Variants in ZBTB47 observed in about 807,000 individuals in gnomAD.
ZBTB47 encodes zinc finger and BTB domain-containing protein 47.
A neutral mutation model predicts 56.6 loss-of-function variants in ZBTB47; 24 were observed. The observed-to-expected ratio is 0.42, with a 90% CI of 0.31 to 0.60. ZBTB47 has a LOEUF of 0.60. Among genes scored for constraint, ZBTB47 ranks in the 20% least tolerant of loss-of-function variants. The pLI, the probability that ZBTB47 is intolerant of heterozygous loss-of-function variation, is 0.14. For missense variants in ZBTB47, 829 were observed against 1,032.6 expected (o/e 0.80, Z 2.70); for synonymous variants, 414 against 418.9 (o/e 0.99, Z 0.14).
rs1352980694 is a variant in ZBTB47 at position 42,665,964 on chromosome 3, C to T, written c.*1366C>T. The T allele has an allele frequency of 6.6e-6, 1 of 152,644 alleles. No homozygotes were observed. The highest frequency in any genetic ancestry group is 1.5e-5 in the Non-Finnish European group (1 of 68,060). 9.5% of individuals were successfully genotyped at this position (152,644 alleles called of 1,614,324 possible). ...TTTATACAGTTTTGTTTGTTATACT[C>T]TTTGCACCTTAAACCCCCACCACTC... On this transcript the variant is annotated 3_prime_UTR_variant, in exon 6 of 6. Coordinates refer to ENST00000232974, the MANE Select transcript of ZBTB47 (RefSeq NM_145166.4).
chr3:42,660,283 G>C (rs1375707944), intron 2 of ZBTB47, among the ~76,000 whole-genome samples: 1 of 152,242 alleles, frequency 6.6e-6, no homozygotes, highest in African/African-American at 2.4e-5. Context: ...CAGCAAGTGA[G>C]CACACGATGG....
chr3:42,663,917 G>A lies in ZBTB47; in HGVS notation c.1858G>A (p.Asp620Asn). The A allele has an allele frequency of 1.2e-6, 2 of 1,613,104 alleles. No homozygotes were observed. Among genetic ancestry groups the A allele is most frequent in the Non-Finnish European group, 1.7e-6 (2 of 1,179,566 alleles). Residue 620 changes from aspartate (D) to asparagine (N), a missense_variant, in exon 5 of 6, where the codon GAT becomes AAT. By Grantham distance (23) the Asp-to-Asn change is conservative. Around this residue, in one of 6 missense-constraint regions of ZBTB47, gnomAD observed 44 missense variants for 76.7 expected, o/e 0.57. Transcript: ENST00000232974. The surrounding 1 kb of genome is among the most constrained non-coding windows in gnomAD (Gnocchi z 5.1). ...GKDFNMKQYFDEHMKTHTGEK... is the reference protein window; with the variant it reads ...GKDFNMKQYFNEHMKTHTGEK... ...GGACTTCAACATGAAGCAGTACTTC[G>A]ATGAGCACATGAAGACCCACACAGG...
chr3:42,657,861 C>G (rs548178735), intron 1 of ZBTB47, among the ~76,000 whole-genome samples: 74 of 152,272 alleles, frequency 4.9e-4, no homozygotes, highest in African/African-American at 1.6e-3. Context: ...ACCACCTGGT[C>G]CCGGTGTGCC....
chr3:42,662,256 G>A (rs919499758), intron 3 of ZBTB47, among the ~76,000 whole-genome samples: 9 of 152,224 alleles, frequency 5.9e-5, no homozygotes, highest in African/African-American at 2.2e-4. Context: ...CCTTGAGGGG[G>A]AGGGGTAGCC....
At position 42,658,649 on chromosome 3, in the gene ZBTB47, GGCTGACATCGCTGCGT is replaced by G. The variant is rs1710668417; in HGVS notation, c.295_310del (p.Ala99ProfsTer11). 6.5e-7 allele frequency: 1 copy of G among 1,536,638 alleles called. No individual in the cohort carries two copies. The highest frequency in any genetic ancestry group is 1.4e-5 in the African/African-American group (1 of 73,052). Reference sequence around the variant, plus strand: ...TCAGCGCCGCCTCATTGCTGCAGATGGCTGACATCGCTGCGTCCTGCCAAGAGCTGCTGGACGCCCG... The same window carrying G: ...TCAGCGCCGCCTCATTGCTGCAGATGCCTGCCAAGAGCTGCTGGACGCCCG... On this transcript the variant is annotated frameshift_variant, in exon 2 of 6. Transcript: ENST00000232974. LOFTEE classifies it high-confidence loss of function.
Position 42,666,782 on chromosome 3 carries a change from C to T in ZBTB47, c.*2184C>T, listed in dbSNP as rs1710794047. ...AAACCCTGTCCTGGGACATGGGTTT[C>T]ATGTTCTTGTACACTTCCCCTCTGG... On this transcript the variant is annotated 3_prime_UTR_variant, in exon 6 of 6. Coordinates refer to ENST00000232974, the MANE Select transcript of ZBTB47 (RefSeq NM_145166.4). Among the ~76,000 whole-genome samples, 1 of 152,174 alleles carries T rather than the reference C, an allele frequency of 6.6e-6. No individual in the cohort carries two copies. The highest frequency in any genetic ancestry group is 1.5e-5 in the Non-Finnish European group (1 of 68,034).
Position 42,658,888 on chromosome 3 carries a change from T to A in ZBTB47, c.533T>A (p.Val178Glu). 1 of 1,512,938 alleles carries A rather than the reference T, an allele frequency of 6.6e-7. No homozygotes were observed. Among genetic ancestry groups the A allele is most frequent in the Non-Finnish European group, 8.8e-7 (1 of 1,134,584 alleles). The allele number at this position is 1,512,938 out of a possible 1,614,324, so 93.7% of individuals were successfully genotyped here. A position where few individuals can be genotyped will look rare whatever the true frequency, so the allele number is the denominator to read the frequency against. The change falls in exon 2 of 6, where the codon GTG becomes GAG. Residue 178 changes from valine (V) to glutamate (E), a missense_variant. By Grantham distance (121) the Val-to-Glu change is moderately radical. Transcript: ENST00000232974. ...GGGGCAGGGACTGCTGGTGGCACAG[T>A]GCCTGCCACCATTGGGCCAGCCCAG... Reference protein sequence around the residue: ...EDGAGTAGGTVPATIGPAQPF... With the variant: ...EDGAGTAGGTEPATIGPAQPF...
chr3:42,652,942 C>T (rs1469836354), upstream of ZBTB47, among the ~76,000 whole-genome samples: 1 of 152,236 alleles, frequency 6.6e-6, no homozygotes, highest in Non-Finnish European at 1.5e-5. Context: ...GAAGGCAGCC[C>T]TCAGCGGGCT....
upstream of ZBTB47, among the ~76,000 whole-genome samples, chr3:42,653,097 G>A (rs1427664054): frequency 3.3e-5 from 5 of 152,202 alleles, no homozygotes; most frequent in East Asian, 9.6e-4. Context: ...TTTGGCCCCT[G>A]AGACATTTTC....
chr3:42,665,064 A>C lies in ZBTB47; in HGVS notation c.*466A>C. On this transcript the variant is annotated 3_prime_UTR_variant, in exon 6 of 6. Transcript: ENST00000232974. ...CTCTATGCCCCTAATTTGCTTCCTC[A>C]TCTTGGAGGGTTTGGGGAGAAGTTG... 6.5e-6 allele frequency: 1 copy of C among 153,196 alleles called. No individual in the cohort carries two copies. Among genetic ancestry groups the C allele is most frequent in the Non-Finnish European group, 1.5e-5 (1 of 68,890 alleles). 9.5% of individuals were successfully genotyped at this position (153,196 alleles called of 1,614,324 possible). A position where few individuals can be genotyped will look rare whatever the true frequency, so the allele number is the denominator to read the frequency against.
chr3:42,656,896 C>A lies in ZBTB47; in HGVS notation c.-81-1379C>A, dbSNP rs559273918. On this transcript the variant is annotated intron_variant, in intron 1 of 5. Coordinates refer to ENST00000232974, the MANE Select transcript of ZBTB47 (RefSeq NM_145166.4). The surrounding 1 kb of genome is among the most constrained non-coding windows in gnomAD (Gnocchi z 5.8). ...ATGGGGCCAGGATTCATCCCAGGGT[C>A]CCCAGGGAGGCACTGACAGCTATGG... Among the ~76,000 whole-genome samples, 6 of 152,222 alleles carry A rather than the reference C, an allele frequency of 3.9e-5. No homozygotes were observed. In the East Asian group the frequency reaches 1.2e-3, roughly 29 times the overall value.
Position 42,654,802 on chromosome 3 carries a change from C to G in ZBTB47, c.-82+919C>G. ...GGTGGAGGGGCTGGAGGGATCTTCC[C>G]CCCTCCCCCGGTCTCCCGGCTCCAT... On this transcript the variant is annotated intron_variant, in intron 1 of 5. Transcript: ENST00000232974. This position sits in a 1 kb window ranked among gnomAD's most constrained non-coding sequence, Gnocchi z 5.0. The G allele has an allele frequency of 1.5e-6, 1 of 683,180 alleles. No homozygotes were observed. Among genetic ancestry groups the G allele is most frequent in the South Asian group, 6.5e-5 (1 of 15,478 alleles). The allele number at this position is 683,180 out of a possible 1,614,324, so 42.3% of individuals were successfully genotyped here.
upstream of ZBTB47, among the ~76,000 whole-genome samples, chr3:42,653,445 A>C (rs1414509080): frequency 6.6e-6 from 1 of 152,170 alleles, no homozygotes; most frequent in African/African-American, 2.4e-5. Context: ...CAGGATGGGC[A>C]GTAGTGAGCT....
At position 42,664,747 on chromosome 3, in the gene ZBTB47, G is replaced by A. The variant is rs1710765289; in HGVS notation, c.*149G>A. ...CTGGATGTACCCTGCCTGAGGCCCC[G>A]ACGAGGAGGGGTATGCAGGCTGGCA... On this transcript the variant is annotated 3_prime_UTR_variant, in exon 6 of 6. Coordinates refer to ENST00000232974, the MANE Select transcript of ZBTB47 (RefSeq NM_145166.4). 7 of 940,476 alleles carry A rather than the reference G, an allele frequency of 7.4e-6. No homozygotes were observed. The highest frequency in any genetic ancestry group is 8.5e-6 in the Non-Finnish European group (6 of 708,396). The allele number at this position is 940,476 out of a possible 1,614,324, so 58.3% of individuals were successfully genotyped here.
At position 42,666,331 on chromosome 3, in the gene ZBTB47, C is replaced by T. The variant is rs1373258705; in HGVS notation, c.*1733C>T. ...GCTGTCCTGGGGGAGAGAAGGTTCG[C>T]CCCTCCCCGAGGAAGAAGGCTTCTG... On this transcript the variant is annotated 3_prime_UTR_variant, in exon 6 of 6. Transcript: ENST00000232974. 2.0e-5 allele frequency among the ~76,000 whole-genome samples: 3 copies of T among 152,150 alleles called. No homozygotes were observed. Among genetic ancestry groups the T allele is most frequent in the African/African-American group, 4.8e-5 (2 of 41,436 alleles).
chr3:42,658,306 C>A lies in ZBTB47; in HGVS notation c.-50C>A, dbSNP rs1476339854. On this transcript the variant is annotated 5_prime_UTR_variant, in exon 2 of 6. Coordinates refer to ENST00000232974, the MANE Select transcript of ZBTB47 (RefSeq NM_145166.4). Reference sequence around the variant, plus strand: ...GTTGAGAAGACAACTGACTCCCCGGCGGCTGAGTTCTCGCTGGTGGAGGAC... The same window carrying A: ...GTTGAGAAGACAACTGACTCCCCGGAGGCTGAGTTCTCGCTGGTGGAGGAC... The A allele has an allele frequency of 1.1e-5, 17 of 1,487,404 alleles. No homozygotes were observed. The highest frequency in any genetic ancestry group is 1.4e-5 in the African/African-American group (1 of 71,924). The allele number at this position is 1,487,404 out of a possible 1,614,324, so 92.1% of individuals were successfully genotyped here.
At position 42,667,113 on chromosome 3, in the gene ZBTB47, A is replaced by T. The variant is rs1191372705; in HGVS notation, c.*2515A>T. Among the ~76,000 whole-genome samples, 2 of 152,364 alleles carry T rather than the reference A, an allele frequency of 1.3e-5. No homozygotes were observed. The highest frequency in any genetic ancestry group is 3.4e-3 in the Middle Eastern group (1 of 294). On this transcript the variant is annotated 3_prime_UTR_variant, in exon 6 of 6. Transcript: ENST00000232974. Reference sequence around the variant, plus strand: ...TAAAACAAAACAACACAAAAAAACAATGTGCCCCCAGATGTCAGAATGAGG... The same window carrying T: ...TAAAACAAAACAACACAAAAAAACATTGTGCCCCCAGATGTCAGAATGAGG...
chr3:42,652,954 G>C (rs1415805946), upstream of ZBTB47, among the ~76,000 whole-genome samples: 1 of 152,234 alleles, frequency 6.6e-6, no homozygotes, highest in Non-Finnish European at 1.5e-5. Flanking sequence ...CAGCGGGCTA[G>C]CTGGTCAGAA....
In ZBTB47 at chr3:42,654,148, G is replaced by C. The variant is rs1408955605; in HGVS notation, c.-82+265G>C. On this transcript the variant is annotated intron_variant, in intron 1 of 5. Transcript: ENST00000232974. This position sits in a 1 kb window ranked among gnomAD's most constrained non-coding sequence, Gnocchi z 5.0. ...GGCGCGCTCAGCTTCCTGATTTCAC[G>C]GCAGCTTCCTATCCTGGCTCCCCCT... 1 of 152,126 alleles carries C rather than the reference G, an allele frequency of 6.6e-6. No homozygotes were observed. The highest frequency in any genetic ancestry group is 2.4e-5 in the African/African-American group (1 of 41,412). 9.4% of individuals were successfully genotyped at this position (152,126 alleles called of 1,614,324 possible).
Sources: allele counts gnomAD v4.1 joint callset (sites outside exome capture counted in the v4.1 genomes callset), GRCh38; gene constraint gnomAD v4.1.1; regional missense constraint gnomAD v4.1.1; non-coding constraint Gnocchi (gnomAD v3.1); transcripts MANE v1.5; gene names NCBI Gene and HGNC (gene_info 2026-07-23, HGNC 2026-07-21).